Variants in LGI2 observed in about 807,000 individuals in gnomAD.
The protein encoded by LGI2 is leucine rich repeat LGI family member 2, also known as leucine-rich repeat LGI family member 2.
A neutral mutation model predicts 52.0 loss-of-function variants in LGI2; 30 were observed. The ratio of observed to expected loss-of-function variants is 0.58; its 90% CI spans 0.43 to 0.78. The LOEUF is 0.78. Among genes scored for constraint, LGI2 ranks in the 30% least tolerant of loss-of-function variants. The pLI, the probability that LGI2 is intolerant of heterozygous loss-of-function variation, is 0.00. For missense variants in LGI2, 573 were observed against 692.5 expected, an observed-to-expected ratio of 0.83 and a Z score of 1.94; for synonymous variants, 270 against 271.8, an observed-to-expected ratio of 0.99 and a Z score of 0.06.
intron 7 of LGI2, among the ~76,000 whole-genome samples, chr4:25,007,599 G>C (rs1039662278): frequency 1.3e-5 from 2 of 151,390 alleles, no homozygotes; most frequent in African/African-American, 4.9e-5. Context: ...GTGTGTGTGT[G>C]TGTGTGTGTG....
In LGI2 at chr4:25,024,864, G is replaced by A. The variant is rs775979113; in HGVS notation, c.369C>T (p.Thr123=). The A allele has an allele frequency of 1.2e-6, 2 of 1,608,458 alleles. No individual in the cohort carries two copies. The highest frequency in any genetic ancestry group is 1.7e-5 in the Admixed American group (1 of 58,778). Reference sequence around the variant, plus strand: ...GGCCACGAAAGGCATTTCTTGAAATGGTTTCTATTTTGTTCCCTTCAATGA... The same window carrying A: ...GGCCACGAAAGGCATTTCTTGAAATAGTTTCTATTTTGTTCCCTTCAATGA... ...YLFIEGNKIE[T]ISRNAFRGLR... The change falls in exon 4 of 8, where the codon ACC becomes ACT. Residue 123 remains threonine (T), a synonymous_variant. Coordinates refer to ENST00000382114, the MANE Select transcript of LGI2 (RefSeq NM_018176.4).
At chr4:25,008,696 G>A (rs556921551) in intron 7 of LGI2, among the ~76,000 whole-genome samples, 5 of 152,220 alleles carry the variant, frequency 3.3e-5, no homozygotes, top group South Asian at 4.1e-4. Context: ...TCACTTGGCC[G>A]TGGCCACCAG....
the LGI2 span, among the ~76,000 whole-genome samples, chr4:24,993,072 T>A: frequency 6.6e-6 from 1 of 152,200 alleles, no homozygotes; most frequent in Non-Finnish European, 1.5e-5. Flanking sequence ...TGTTGATTCA[T>A]TTGTAAAATG....
rs756377169 is a variant in LGI2, at chr4:25,004,068, C to A, written c.1021G>T (p.Val341Phe). The change falls in exon 8 of 8, where the codon GTC (valine) becomes TTC (phenylalanine). Residue 341 changes from valine (V) to phenylalanine (F), a missense_variant. Coordinates refer to ENST00000382114, the MANE Select transcript of LGI2 (RefSeq NM_018176.4). This position sits in a 1 kb window ranked among gnomAD's most constrained non-coding sequence, Gnocchi z 4.6. ...LFQIDDETFF[V>F]IADSSKAGLS... ...CCAGCCTTTGAGCTGTCTGCGATGA[C>A]AAAGAACGTCTCGTCGTCGATCTGA... 5 of 1,614,186 alleles carry A rather than the reference C, an allele frequency of 3.1e-6. No homozygotes were observed. Among genetic ancestry groups the A allele is most frequent in the Non-Finnish European group, 4.2e-6 (5 of 1,180,042 alleles).
chr4:24,995,706 C>T (rs142834906), downstream of LGI2, among the ~76,000 whole-genome samples: 31 of 152,292 alleles, frequency 2.0e-4, no homozygotes, highest in African/African-American at 6.7e-4. Context: ...TCATACTCCA[C>T]GGGAGGGAAA....
rs2110454 is a variant in LGI2 at position 25,004,714 on chromosome 4, C to T, written c.821-446G>A. Reference sequence around the variant, plus strand: ...TGGCCAGCTATGCAGTGGGTTCTTGCCACATACCAAATCTGCCAATGTCTT... The same window carrying T: ...TGGCCAGCTATGCAGTGGGTTCTTGTCACATACCAAATCTGCCAATGTCTT... On this transcript the variant is annotated intron_variant, in intron 7 of 7. Transcript: ENST00000382114. This position sits in a 1 kb window ranked among gnomAD's most constrained non-coding sequence, Gnocchi z 4.6. Among the ~76,000 whole-genome samples the T allele has an allele frequency of 0.27, 41,419 of 151,766 alleles. 5,651 individuals carry two copies. Among genetic ancestry groups the T allele is most frequent in the East Asian group, 0.38 (1,969 of 5,130 alleles).
chr4:25,013,071 T>C (rs1167453597), intron 6 of LGI2, among the ~76,000 whole-genome samples: 1 of 152,202 alleles, frequency 6.6e-6, no homozygotes, highest in Non-Finnish European at 1.5e-5. Flanking sequence ...TCAGAATGAA[T>C]GGTACACTCC....
rs1726306647 is a variant in LGI2, at chr4:25,030,577, A to G, written c.117T>C (p.Thr39=). Residue 39 remains threonine (T), a synonymous_variant, in exon 1 of 8, where the codon ACT becomes ACC. Transcript: ENST00000382114. ...QVRRLARCPA[T]CSCTKESIIC... ...TGATAGACTCCTTGGTACAGCTGCA[A>G]GTGGCGGGGCAGCGCGCCAGCCGCC... 6.3e-7 allele frequency: 1 copy of G among 1,578,418 alleles called. No individual in the cohort carries two copies. Among genetic ancestry groups the G allele is most frequent in the Non-Finnish European group, 8.6e-7 (1 of 1,163,942 alleles).
At chr4:25,009,520 A>G (rs1171285687) in intron 7 of LGI2, among the ~76,000 whole-genome samples, 3 of 152,134 alleles carry the variant, frequency 2.0e-5, no homozygotes, top group Non-Finnish European at 4.4e-5. Context: ...TTTCTGTCTG[A>G]TGTGTTTTTT....
chr4:25,028,049 T>C (rs1726204094), intron 2 of LGI2, among the ~76,000 whole-genome samples: 3 of 152,214 alleles, frequency 2.0e-5, no homozygotes, highest in Admixed American at 2.0e-4. Flanking sequence ...ATCATACCGA[T>C]GAAGTGATGA....
chr4:25,001,287 T>C lies in LGI2; in HGVS notation c.*2164A>G, dbSNP rs1288765331. 1 of 152,274 alleles carries C rather than the reference T, an allele frequency of 6.6e-6. No homozygotes were observed. Among genetic ancestry groups the C allele is most frequent in the Non-Finnish European group, 1.5e-5 (1 of 68,078 alleles). The allele number at this position is 152,274 out of a possible 1,614,324, so 9.4% of individuals were successfully genotyped here. On this transcript the variant is annotated 3_prime_UTR_variant, in exon 8 of 8. Transcript: ENST00000382114. Reference sequence around the variant, plus strand: ...CTGGGAATGTGATACCTCTCTGCAGTAGCAACACTGTGAAAAGATGCCACC... The same window carrying C: ...CTGGGAATGTGATACCTCTCTGCAGCAGCAACACTGTGAAAAGATGCCACC...
chr4:24,996,299 C>A (rs1039918035), downstream of LGI2, among the ~76,000 whole-genome samples: 9 of 152,266 alleles, frequency 5.9e-5, no homozygotes, highest in East Asian at 1.7e-3. Context: ...GCTTTTGTAT[C>A]TTTCTTAAGA....
intron 5 of LGI2, 111 bp from the exon 6 acceptor site, chr4:25,018,269 C>A: frequency 1.4e-6 from 1 of 736,802 alleles, no homozygotes; most frequent in Non-Finnish European, 2.1e-6. Flanking sequence ...ATATTTAAAA[C>A]CCCCTAAAAA....
rs1409703576 is a variant in LGI2 at position 24,999,179 on chromosome 4, A to C, written c.*4272T>G. 2 of 152,188 alleles carry C rather than the reference A, an allele frequency of 1.3e-5. No individual in the cohort carries two copies. Among genetic ancestry groups the C allele is most frequent in the Non-Finnish European group, 2.9e-5 (2 of 68,036 alleles). The allele number at this position is 152,188 out of a possible 1,614,324, so 9.4% of individuals were successfully genotyped here. A position where few individuals can be genotyped will look rare whatever the true frequency, so the allele number is the denominator to read the frequency against. On this transcript the variant is annotated 3_prime_UTR_variant, in exon 8 of 8. Transcript: ENST00000382114. Reference sequence around the variant, plus strand: ...AAGTAGATTTTGATACAAGCAATGGAATACAGTAAGGATAATAATAACTTG... The same window carrying C: ...AAGTAGATTTTGATACAAGCAATGGCATACAGTAAGGATAATAATAACTTG...
At position 24,999,232 on chromosome 4, in the gene LGI2, GCTT is replaced by G. The variant is rs1725166059; in HGVS notation, c.*4216_*4218del. On this transcript the variant is annotated 3_prime_UTR_variant, in exon 8 of 8. Transcript: ENST00000382114. ...TTCGATCTCAGTAGCTTTACAATAT[GCTT>G]CTTATTTGAATGAGCATTACAGTTG... 6.6e-6 allele frequency: 1 copy of G among 152,216 alleles called. No individual in the cohort carries two copies. 9.4% of individuals were successfully genotyped at this position (152,216 alleles called of 1,614,324 possible).
At chr4:25,017,525 G>C (rs982877731) in intron 6 of LGI2, among the ~76,000 whole-genome samples, 3 of 108,580 alleles carry the variant, frequency 2.8e-5, no homozygotes, top group African/African-American at 7.5e-5. Context: ...CTGGGCGACA[G>C]AGTAAGACTC....
Position 25,030,562 on chromosome 4 carries a change from C to T in LGI2, c.132G>A (p.Lys44=). The T allele has an allele frequency of 1.3e-6, 2 of 1,592,348 alleles. No homozygotes were observed. Among genetic ancestry groups the T allele is most frequent in the Middle Eastern group, 1.7e-4 (1 of 6,024 alleles). Residue 44 remains lysine (K), a synonymous_variant, in exon 1 of 8, where the codon AAG becomes AAA. Coordinates refer to ENST00000382114, the MANE Select transcript of LGI2 (RefSeq NM_018176.4). ...ARCPATCSCT[K]ESIICVGSSW... is the part of the protein sequence containing the mutation. ...AAGAGCCCACGCAGATGATAGACTC[C>T]TTGGTACAGCTGCAAGTGGCGGGGC... is the stretch of plus-strand genomic sequence containing the variant.
At chr4:25,014,589 T>G (rs1404232750) in intron 6 of LGI2, among the ~76,000 whole-genome samples, 1 of 151,264 alleles carries the variant, frequency 6.6e-6, no homozygotes, top group Non-Finnish European at 1.5e-5. Context: ...CCTGGCAGCT[T>G]GGGAGGCCAA....
chr4:25,027,959 G>C (rs1316032302), intron 2 of LGI2, among the ~76,000 whole-genome samples: 2 of 152,200 alleles, frequency 1.3e-5, no homozygotes, highest in Non-Finnish European at 2.9e-5. Flanking sequence ...CTAGAATCTG[G>C]CTCTGATTTG....
Sources: allele counts gnomAD v4.1 joint callset (sites outside exome capture counted in the v4.1 genomes callset), GRCh38; gene constraint gnomAD v4.1.1; non-coding constraint Gnocchi (gnomAD v3.1); transcripts MANE v1.5; gene names NCBI Gene and HGNC (gene_info 2026-07-23, HGNC 2026-07-21).